The following CARD19 variants were observed in gnomAD, a reference collection of about 807,000 sequenced individuals.
The protein encoded by CARD19 is caspase recruitment domain-containing protein 19.
A neutral mutation model predicts 24.1 loss-of-function variants in CARD19; 25 were observed. The ratio of observed to expected loss-of-function variants is 1.04; its 90% CI spans 0.76 to 1.45. The LOEUF is 1.45. CARD19 is among the 40% of genes most tolerant of loss of function. The pLI is 0.00. For missense variants in CARD19, 241 were observed against 247.4 expected (o/e 0.97, Z 0.17); for synonymous variants, 103 against 104.9 (o/e 0.98, Z 0.11).
Position 93,096,476 on chromosome 9 carries a change from T to C in CARD19, c.7+124T>C. 1 of 930,032 alleles carries C rather than the reference T, an allele frequency of 1.1e-6. No homozygotes were observed. The highest frequency in any genetic ancestry group is 1.4e-6 in the Non-Finnish European group (1 of 716,862). The allele number at this position is 930,032 out of a possible 1,614,324, so 57.6% of individuals were successfully genotyped here. A position where few individuals can be genotyped will look rare whatever the true frequency, so the allele number is the denominator to read the frequency against. ...CCTGGGCAGCGGGGGCCGAGTGACC[T>C]TGGCCCGTCAGCTGTCGGTGGTGCG... On this transcript the variant is annotated intron_variant, in intron 1 of 5. Coordinates refer to ENST00000375464, the MANE Select transcript of CARD19 (RefSeq NM_032310.5). The surrounding 1 kb of genome is among the most constrained non-coding windows in gnomAD (Gnocchi z 5.4).
At chr9:93,108,484 C>A (rs1002437456) in intron 2 of CARD19, among the ~76,000 whole-genome samples, 1 of 151,954 alleles carries the variant, frequency 6.6e-6, no homozygotes, top group African/African-American at 2.4e-5. Flanking sequence ...CAGCCTCCCC[C>A]ATGTGTGGAG....
intron 1 of CARD19, among the ~76,000 whole-genome samples, chr9:93,104,279 T>C (rs1401723692): frequency 1.3e-5 from 2 of 152,226 alleles, no homozygotes; most frequent in Non-Finnish European, 2.9e-5. Context: ...TCCATTTTTC[T>C]TTTTTCACAG....
intron 1 of CARD19, among the ~76,000 whole-genome samples, chr9:93,106,912 T>TC (rs976054124): frequency 3.9e-5 from 6 of 152,160 alleles, no homozygotes; most frequent in Admixed American, 1.3e-4. Flanking sequence ...CCGTCATCAC[T>TC]CCACCGCTCA....
chr9:93,105,837 C>T (rs1047942612), intron 1 of CARD19, among the ~76,000 whole-genome samples: 11 of 152,048 alleles, frequency 7.2e-5, no homozygotes, highest in African/African-American at 2.4e-4. Context: ...AATTGGCTTA[C>T]GGTGTTGTTG....
intron 1 of CARD19, among the ~76,000 whole-genome samples, chr9:93,105,820 C>T (rs76774472): frequency 0.045 from 6,890 of 152,106 alleles, 322 homozygotes; most frequent in African/African-American, 0.12. Flanking sequence ...GTATGTCTGC[C>T]AGGTATAATT....
rs553818771 is a variant in CARD19 at position 93,112,875 on chromosome 9, G to A, written c.437-117G>A. 71 of 642,220 alleles carry A rather than the reference G, an allele frequency of 1.1e-4. No individual in the cohort carries two copies. The African/African-American group carries it at 1.2e-3, about 11-fold the overall frequency. The allele number at this position is 642,220 out of a possible 1,614,324, so 39.8% of individuals were successfully genotyped here. A position where few individuals can be genotyped will look rare whatever the true frequency, so the allele number is the denominator to read the frequency against. On this transcript the variant is annotated intron_variant, in intron 5 of 5. Coordinates refer to ENST00000375464, the MANE Select transcript of CARD19 (RefSeq NM_032310.5). ...TTCAACTCAAGCCGAGACCATGACC[G>A]GGAGGGAGCACCCTGTCCCAGTGCC...
chr9:93,098,725 C>T (rs72741072), intron 1 of CARD19, among the ~76,000 whole-genome samples: 11,754 of 152,172 alleles, frequency 0.077, 540 homozygotes, highest in South Asian at 0.17. Flanking sequence ...CTTCAGCCTC[C>T]GGACCGTGCG....
chr9:93,110,960 G>GTC (rs1237968561), intron 3 of CARD19: 62 of 1,523,376 alleles, frequency 4.1e-5, no homozygotes, highest in Non-Finnish European at 5.3e-5. Context: ...CCCTTCCTCC[G>GTC]TCTCTCTCTC....
At chr9:93,102,707 T>C (rs909144991) in intron 1 of CARD19, among the ~76,000 whole-genome samples, 1 of 151,726 alleles carries the variant, frequency 6.6e-6, no homozygotes, top group Non-Finnish European at 1.5e-5. Context: ...CTTGAAATTC[T>C]ATATGAGTTT....
At position 93,096,247 on chromosome 9, in the gene CARD19, C is replaced by T; in HGVS notation, c.-99C>T. 1 of 1,173,018 alleles carries T rather than the reference C, an allele frequency of 8.5e-7. No individual in the cohort carries two copies. 72.7% of individuals were successfully genotyped at this position (1,173,018 alleles called of 1,614,324 possible). A position where few individuals can be genotyped will look rare whatever the true frequency, so the allele number is the denominator to read the frequency against. On this transcript the variant is annotated 5_prime_UTR_variant, in exon 1 of 6. Transcript: ENST00000375464. This position sits in a 1 kb window ranked among gnomAD's most constrained non-coding sequence, Gnocchi z 5.4. ...GGGGCGGGCGAGCACGGCCCGCGGG[C>T]GGCGTTCGCTGGAGCTGGTGGACCG...
intron 1 of CARD19, among the ~76,000 whole-genome samples, chr9:93,103,750 G>C (rs1422881479): frequency 2.0e-4 from 30 of 152,218 alleles, no homozygotes. Flanking sequence ...TCTGGTGAGG[G>C]TCTTCTTGCT....
At position 93,096,288 on chromosome 9, in the gene CARD19, G is replaced by T; in HGVS notation, c.-58G>T. 8.8e-7 allele frequency: 1 copy of T among 1,131,590 alleles called. No individual in the cohort carries two copies. The highest frequency in any genetic ancestry group is 1.1e-6 in the Non-Finnish European group (1 of 898,934). The allele number at this position is 1,131,590 out of a possible 1,614,324, so 70.1% of individuals were successfully genotyped here. A position where few individuals can be genotyped will look rare whatever the true frequency, so the allele number is the denominator to read the frequency against. ...TGGTGGACCGGGCGGCTGACCGAGG[G>T]GCGGACGCGCGGCGGGGCAGACCGC... is the stretch of plus-strand genomic sequence containing the variant. On this transcript the variant is annotated 5_prime_UTR_variant, in exon 1 of 6. Transcript: ENST00000375464. This position sits in a 1 kb window ranked among gnomAD's most constrained non-coding sequence, Gnocchi z 5.4.
intron 3 of CARD19, 82 bp from the exon 4 acceptor site, chr9:93,111,797 A>T: frequency 6.4e-7 from 1 of 1,566,822 alleles, no homozygotes; most frequent in Non-Finnish European, 8.7e-7. Flanking sequence ...AGGCAGCAGC[A>T]ACCTTGGGCT....
At chr9:93,111,847 T>A in intron 3 of CARD19, 32 bp from the exon 4 acceptor site, 1 of 1,605,836 alleles carries the variant, frequency 6.2e-7, no homozygotes, top group Non-Finnish European at 8.5e-7. Context: ...CCCTGCCCGT[T>A]GACTAACTAT....
chr9:93,112,885 A>C, intron 5 of CARD19, 107 bp from the exon 6 acceptor site: 2 of 684,464 alleles, frequency 2.9e-6, no homozygotes, highest in South Asian at 3.9e-5. Context: ...GGGAGGGAGC[A>C]CCCTGTCCCA....
At chr9:93,112,674 C>G (rs189689536) in intron 5 of CARD19, among the ~76,000 whole-genome samples, 15 of 152,280 alleles carry the variant, frequency 9.9e-5, no homozygotes, top group African/African-American at 3.6e-4. Context: ...CTTCCAGGGC[C>G]CCTCTACTGG....
chr9:93,111,022 C>G (rs556435740), intron 3 of CARD19: 65 of 1,448,094 alleles, frequency 4.5e-5, no homozygotes, highest in Non-Finnish European at 5.9e-5. Context: ...TCTTGCCCTT[C>G]CTTTTCTAAC....
chr9:93,109,553 G>A (rs1191885401), intron 2 of CARD19, among the ~76,000 whole-genome samples: 1 of 150,792 alleles, frequency 6.6e-6, no homozygotes, highest in Non-Finnish European at 1.5e-5. Context: ...TGCAACCTCT[G>A]CCTCCCAGTT....
rs1184167490 is a variant in CARD19, at chr9:93,112,212, C to T, written c.365-6C>T. On this transcript the variant is annotated splice_polypyrimidine_tract_variant and splice_region_variant and intron_variant, in intron 4 of 5. Transcript: ENST00000375464. The stretch of plus-strand genomic sequence containing the variant: ...GGGAGCCCTGTTCACGCTGGTTTCT[C>T]CCCAGGACCCATGAGCTTCCTGGCT... 3.2e-6 allele frequency: 5 copies of T among 1,544,646 alleles called. No homozygotes were observed. In the African/African-American group the frequency reaches 6.8e-5, roughly 21 times the overall value.
Sources: allele counts gnomAD v4.1 joint callset (sites outside exome capture counted in the v4.1 genomes callset), GRCh38; gene constraint gnomAD v4.1.1; non-coding constraint Gnocchi (gnomAD v3.1); transcripts MANE v1.5; gene names NCBI Gene and HGNC (gene_info 2026-07-23, HGNC 2026-07-21).